The following FAM184B variants were observed in gnomAD, a reference collection of about 807,000 sequenced individuals.
The protein encoded by FAM184B is family with sequence similarity 184 member B.
Under a neutral mutation model 135.9 loss-of-function variants are expected in FAM184B, and 111 were observed. That is an observed-to-expected ratio of 0.82 (90% confidence interval 0.70 to 0.96). The LOEUF (loss-of-function observed/expected upper bound fraction) is 0.96. Ranked by LOEUF, FAM184B falls within the 40% of genes least tolerant of loss-of-function variation. FAM184B has a pLI of 0.00. For synonymous variants in FAM184B, 552 were observed against 524.8 expected (o/e 1.05, Z -0.71); for missense variants, 1,375 against 1,323.9 (o/e 1.04, Z -0.60).
At chr4:17,732,552 TA>T (rs1717807195) in intron 1 of FAM184B, among the ~76,000 whole-genome samples, 1 of 152,166 alleles carries the variant, frequency 6.6e-6, no homozygotes, top group Non-Finnish European at 1.5e-5. Flanking sequence ...GAGAATACTA[TA>T]AACACCTCTA....
intron 1 of FAM184B, among the ~76,000 whole-genome samples, chr4:17,737,338 G>C (rs1717935749): frequency 6.6e-6 from 1 of 151,822 alleles, no homozygotes; most frequent in Non-Finnish European, 1.5e-5. Flanking sequence ...ACTGAATCTA[G>C]AGCCTGTTCC....
At chr4:17,639,985 G>C (rs1415780422) in intron 13 of FAM184B, among the ~76,000 whole-genome samples, 1 of 151,552 alleles carries the variant, frequency 6.6e-6, no homozygotes, top group Non-Finnish European at 1.5e-5. Context: ...CCCAGCACCA[G>C]GCCCAGCCAA....
rs1256817690 is a variant in FAM184B, at chr4:17,781,106, C to T, written c.141+53G>A. On this transcript the variant is annotated intron_variant, in intron 1 of 17. Transcript: ENST00000265018. This position sits in a 1 kb window ranked among gnomAD's most constrained non-coding sequence, Gnocchi z 6.5. Reference sequence around the variant, plus strand: ...CGGGAGGCGCATCCGCACTGACTCCCGGCTCGGGCGCCCCGGGCGTGCAGC... The same window carrying T: ...CGGGAGGCGCATCCGCACTGACTCCTGGCTCGGGCGCCCCGGGCGTGCAGC... The T allele has an allele frequency of 2.0e-6, 3 of 1,465,444 alleles. No homozygotes were observed. Among genetic ancestry groups the T allele is most frequent in the Non-Finnish European group, 2.7e-6 (3 of 1,107,288 alleles). The allele number at this position is 1,465,444 out of a possible 1,614,324, so 90.8% of individuals were successfully genotyped here. A position where few individuals can be genotyped will look rare whatever the true frequency, so the allele number is the denominator to read the frequency against.
intron 7 of FAM184B, among the ~76,000 whole-genome samples, chr4:17,686,389 C>G (rs1303823648): frequency 6.6e-6 from 1 of 152,214 alleles, no homozygotes; most frequent in Non-Finnish European, 1.5e-5. Context: ...CTCAAGGATT[C>G]TCCCTTAATC....
intron 1 of FAM184B, among the ~76,000 whole-genome samples, chr4:17,775,908 C>T (rs1053029406): frequency 6.6e-6 from 1 of 152,150 alleles, no homozygotes; most frequent in African/African-American, 2.4e-5. Flanking sequence ...GTATCCTATT[C>T]GTGTGATGGT....
At chr4:17,664,389 A>T (rs1036713172) in intron 8 of FAM184B, among the ~76,000 whole-genome samples, 173 bp downstream of exon 8, 5 of 152,214 alleles carry the variant, frequency 3.3e-5, no homozygotes, top group African/African-American at 1.2e-4. Context: ...AACACAGTTT[A>T]TGTGAAGCCC....
intron 7 of FAM184B, among the ~76,000 whole-genome samples, chr4:17,682,318 G>C (rs565445728): frequency 6.6e-6 from 1 of 152,244 alleles, no homozygotes; most frequent in African/African-American, 2.4e-5. Flanking sequence ...GAGACTGGCA[G>C]GGAGAGACCA....
chr4:17,777,370 A>G lies in FAM184B; in HGVS notation c.141+3789T>C, dbSNP rs1297866034. Among the ~76,000 whole-genome samples, 5 of 152,194 alleles carry G rather than the reference A, an allele frequency of 3.3e-5. 1 individual carries two copies. The South Asian group carries it at 6.2e-4, about 19-fold the overall frequency. Reference sequence around the variant, plus strand: ...CACAAGGGAAGATTTCTTTGGGGTGATGAAAATGTCCCTAAAACTGGATTA... The same window carrying G: ...CACAAGGGAAGATTTCTTTGGGGTGGTGAAAATGTCCCTAAAACTGGATTA... On this transcript the variant is annotated intron_variant, in intron 1 of 17. Coordinates refer to ENST00000265018, the MANE Select transcript of FAM184B (RefSeq NM_015688.2).
chr4:17,757,114 T>C (rs554684659), intron 1 of FAM184B, among the ~76,000 whole-genome samples: 86 of 152,242 alleles, frequency 5.6e-4, no homozygotes, highest in African/African-American at 1.9e-3. Flanking sequence ...TGAACCTGAA[T>C]CGAATCAATC....
chr4:17,666,413 C>T (rs1166169443), intron 7 of FAM184B, among the ~76,000 whole-genome samples: 1 of 146,304 alleles, frequency 6.8e-6, no homozygotes, highest in Non-Finnish European at 1.5e-5. Context: ...AAGCAATTCT[C>T]CTGTCTCAGT....
chr4:17,760,635 T>C (rs548024654), intron 1 of FAM184B, among the ~76,000 whole-genome samples: 1 of 152,252 alleles, frequency 6.6e-6, no homozygotes, highest in South Asian at 2.1e-4. Flanking sequence ...ACACAGCCTA[T>C]CCATAAGACA....
intron 5 of FAM184B, among the ~76,000 whole-genome samples, chr4:17,697,255 T>A (rs1178537978): frequency 6.6e-6 from 1 of 152,156 alleles, no homozygotes; most frequent in Non-Finnish European, 1.5e-5. Flanking sequence ...CATGTTTGAC[T>A]CCTGAGTTTC....
chr4:17,727,386 C>T (rs140569673), intron 1 of FAM184B, among the ~76,000 whole-genome samples: 75 of 152,290 alleles, frequency 4.9e-4, no homozygotes, highest in African/African-American at 1.7e-3. Flanking sequence ...TAGGCATGTC[C>T]TACAGTCTCT....
chr4:17,642,092 T>A lies in FAM184B; in HGVS notation c.2483A>T (p.His828Leu). 1 of 1,532,682 alleles carries A rather than the reference T, an allele frequency of 6.5e-7. No homozygotes were observed. The highest frequency in any genetic ancestry group is 8.7e-7 in the Non-Finnish European group (1 of 1,145,238). The allele number at this position is 1,532,682 out of a possible 1,614,324, so 94.9% of individuals were successfully genotyped here. ...TCGGAGCTTCTGCGCCTCCTGCTGATGCTGCTCCACCTCCGCGCGCAGCCG... is the reference window on the plus strand; with the variant it reads ...TCGGAGCTTCTGCGCCTCCTGCTGAAGCTGCTCCACCTCCGCGCGCAGCCG... ...VRRLRAEVEQHQQEAQKLRDQ... is the reference protein window; with the variant it reads ...VRRLRAEVEQLQQEAQKLRDQ... The change falls in exon 13 of 18, where the codon CAT becomes CTT. Residue 828 changes from histidine (H) to leucine (L), a missense_variant. His to Leu is a moderately conservative substitution (Grantham distance 99). Transcript: ENST00000265018.
In FAM184B at chr4:17,660,085, G is replaced by A; in HGVS notation, c.1697C>T (p.Thr566Ile). The change falls in exon 9 of 18, where the codon ACC becomes ATC. Residue 566 changes from threonine (T) to isoleucine (I), a missense_variant and splice_region_variant. Physicochemically the swap from Thr to Ile is moderately conservative, Grantham distance 89. Transcript: ENST00000265018. ...EGTSSDEEERTKVLLKEGSDP... is the reference protein window; with the variant it reads ...EGTSSDEEERIKVLLKEGSDP... The stretch of plus-strand genomic sequence containing the variant: ...ACTTCCCTCCTTGAGAAGCACTTTG[G>A]TCCTTTGAAGATAAGGATGCCACAA... 1 of 1,551,330 alleles carries A rather than the reference G, an allele frequency of 6.4e-7. No individual in the cohort carries two copies. The highest frequency in any genetic ancestry group is 8.7e-7 in the Non-Finnish European group (1 of 1,146,892).
intron 1 of FAM184B, among the ~76,000 whole-genome samples, chr4:17,771,058 CA>C (rs1718809412): frequency 6.6e-6 from 1 of 152,122 alleles, no homozygotes; most frequent in South Asian, 2.1e-4. Context: ...AGTTGGTTTC[CA>C]CTTTTTGGCT....
intron 1 of FAM184B, among the ~76,000 whole-genome samples, chr4:17,770,043 C>A (rs548173555): frequency 6.6e-6 from 1 of 152,244 alleles, no homozygotes; most frequent in African/African-American, 2.4e-5. Flanking sequence ...ACAAGCTTGG[C>A]ACAGGAGAAG....
intron 12 of FAM184B, among the ~76,000 whole-genome samples, chr4:17,642,672 G>A (rs563990102): frequency 6.6e-6 from 1 of 152,264 alleles, no homozygotes; most frequent in Non-Finnish European, 1.5e-5. Context: ...GCTCTGTAAG[G>A]GGTGACACTG....
At chr4:17,731,817 G>C (rs2108978238) in intron 1 of FAM184B, among the ~76,000 whole-genome samples, 1 of 152,268 alleles carries the variant, frequency 6.6e-6, no homozygotes, top group Admixed American at 6.5e-5. Context: ...ATTGAACTCA[G>C]CTCTGCAGCA....
Sources: gnomAD v4.1 joint callset for allele counts (sites outside exome capture counted in the v4.1 genomes callset) on GRCh38, gnomAD v4.1.1 for gene constraint, Gnocchi (gnomAD v3.1) non-coding constraint, MANE v1.5 for transcripts, NCBI Gene and HGNC (gene_info 2026-07-23, HGNC 2026-07-21) for gene names.